GRID1: variants seen among roughly 807,000 people sequenced by gnomAD.
GRID1 encodes the protein glutamate receptor ionotropic, delta-1.
A neutral mutation model predicts 98.0 loss-of-function variants in GRID1; 28 were observed. The observed-to-expected ratio is 0.29, with a 90% CI of 0.21 to 0.39. GRID1 has a LOEUF of 0.39. Ranked by LOEUF, GRID1 falls within the 10% of genes least tolerant of loss-of-function variation. GRID1 has a pLI of 1.00. For synonymous variants in GRID1, 553 were observed against 538.5 expected (o/e 1.03, Z -0.37); for missense variants, 1,111 against 1,340.5 (o/e 0.83, Z 2.67).
chr10:86,218,975 A>G (rs1386406119), intron 2 of GRID1, among the ~76,000 whole-genome samples: 1 of 152,180 alleles, frequency 6.6e-6, no homozygotes, highest in Non-Finnish European at 1.5e-5. Context: ...TATCGACAGC[A>G]CAGCCCGAGA....
Position 85,602,301 on chromosome 10 carries a change from A to G in GRID1, c.3002T>C (p.Leu1001Pro). The G allele has an allele frequency of 6.5e-7, 1 of 1,538,154 alleles. No homozygotes were observed. Among genetic ancestry groups the G allele is most frequent in the Non-Finnish European group, 8.8e-7 (1 of 1,141,874 alleles). Residue 1001 changes from leucine to proline, a missense_variant, in exon 16 of 16, where the codon CTG becomes CCG. Leu to Pro is a moderately conservative substitution (Grantham distance 98, BLOSUM62 -3). Coordinates refer to ENST00000327946, the MANE Select transcript of GRID1 (RefSeq NM_017551.3). ...PVPGGVLPEA[L>P]DTSHGTSI ...GATGGAGGTCCCGTGGGAGGTGTCC[A>G]GAGCCTCTGGAAGGACGCCTCCAGG... is the stretch of plus-strand genomic sequence containing the variant.
At chr10:86,014,691 C>T (rs916048225) in intron 4 of GRID1, among the ~76,000 whole-genome samples, 1 of 152,238 alleles carries the variant, frequency 6.6e-6, no homozygotes, top group Non-Finnish European at 1.5e-5. Context: ...ACTACAATTA[C>T]ACTCAGTCAA....
intron 6 of GRID1, among the ~76,000 whole-genome samples, chr10:85,862,284 T>A (rs1590270126): frequency 1.3e-5 from 2 of 152,240 alleles, no homozygotes; most frequent in East Asian, 3.9e-4. Context: ...TGGGTATTTA[T>A]GCAATTACTG....
intron 5 of GRID1, among the ~76,000 whole-genome samples, chr10:85,898,906 C>G (rs1358158195): frequency 1.3e-5 from 2 of 152,192 alleles, no homozygotes; most frequent in Non-Finnish European, 2.9e-5. Context: ...TTATTATTCT[C>G]AAGTATTATG....
rs193300224 is a variant in GRID1, at chr10:85,993,108, T to C, written c.727-76869A>G. On this transcript the variant is annotated intron_variant, in intron 4 of 15. Transcript: ENST00000327946. ...TGTGAAGGGAATAAGACTTTCAACT[T>C]GACAGGCTATCCCCAGAGGACAACC... Among the ~76,000 whole-genome samples the C allele has an allele frequency of 1.8e-4, 27 of 152,296 alleles. No homozygotes were observed. In the East Asian group the frequency reaches 4.1e-3, roughly 23 times the overall value.
chr10:85,778,254 C>A (rs1021598133), intron 8 of GRID1, among the ~76,000 whole-genome samples: 1 of 152,038 alleles, frequency 6.6e-6, no homozygotes, highest in Non-Finnish European at 1.5e-5. Context: ...ACCTGCTAGA[C>A]AAGCAGAAAC....
chr10:85,629,527 T>C (rs892486354), intron 13 of GRID1, among the ~76,000 whole-genome samples: 1 of 152,234 alleles, frequency 6.6e-6, no homozygotes, highest in Admixed American at 6.5e-5. Flanking sequence ...GAGAGTGACC[T>C]CCAGTTCCAT....
intron 4 of GRID1, among the ~76,000 whole-genome samples, chr10:86,006,397 G>T (rs1399361101): frequency 6.6e-6 from 1 of 152,184 alleles, no homozygotes; most frequent in Non-Finnish European, 1.5e-5. Flanking sequence ...GAGGTGAGCG[G>T]ATCATGAGGT....
intron 5 of GRID1, among the ~76,000 whole-genome samples, chr10:85,887,194 C>T (rs1190248135): frequency 6.6e-6 from 1 of 152,180 alleles, no homozygotes; most frequent in Non-Finnish European, 1.5e-5. Context: ...TCCCTATAGA[C>T]CACCTAGGGC....
At chr10:86,113,657 C>A (rs149930105) in intron 4 of GRID1, among the ~76,000 whole-genome samples, 315 of 152,276 alleles carry the variant, frequency 2.1e-3, no homozygotes, top group African/African-American at 6.9e-3. Flanking sequence ...CCTGCCAGAC[C>A]CCCACACCCT....
At chr10:86,044,467 T>G (rs2131901096) in intron 4 of GRID1, among the ~76,000 whole-genome samples, 1 of 152,308 alleles carries the variant, frequency 6.6e-6, no homozygotes, top group South Asian at 2.1e-4. Flanking sequence ...AGATACCCGA[T>G]TTGCTTAGTA....
intron 5 of GRID1, among the ~76,000 whole-genome samples, chr10:85,884,403 T>G (rs1841082916): frequency 6.6e-6 from 1 of 152,158 alleles, no homozygotes. Flanking sequence ...ATAATTTATA[T>G]TTGTTTCATT....
chr10:86,283,258 G>GC (rs1443932980), intron 2 of GRID1, among the ~76,000 whole-genome samples: 1 of 152,196 alleles, frequency 6.6e-6, no homozygotes, highest in Non-Finnish European at 1.5e-5. Context: ...GAAAAGCCCA[G>GC]CCCCCACACT....
chr10:86,296,490 G>A (rs549877322), intron 2 of GRID1, among the ~76,000 whole-genome samples: 1 of 152,240 alleles, frequency 6.6e-6, no homozygotes, highest in African/African-American at 2.4e-5. Context: ...TTTAATCCTA[G>A]CACTTTGGGA....
At chr10:86,078,151 C>T (rs577306585) in intron 4 of GRID1, among the ~76,000 whole-genome samples, 3 of 152,258 alleles carry the variant, frequency 2.0e-5, no homozygotes, top group Admixed American at 6.5e-5. Flanking sequence ...GAAATGCATA[C>T]GGATTGATTT....
chr10:85,858,504 G>C (rs529038140), intron 6 of GRID1, among the ~76,000 whole-genome samples: 121 of 152,226 alleles, frequency 7.9e-4, no homozygotes, highest in African/African-American at 2.8e-3. Flanking sequence ...CTTTGTTGCT[G>C]TCAACTCCCC....
chr10:86,020,444 G>A (rs1363940550), intron 4 of GRID1, among the ~76,000 whole-genome samples: 1 of 152,208 alleles, frequency 6.6e-6, no homozygotes, highest in Non-Finnish European at 1.5e-5. Context: ...GTGTGCATAT[G>A]GGCACAGCCC....
At chr10:86,334,077 A>G (rs555762794) in intron 2 of GRID1, among the ~76,000 whole-genome samples, 111 of 151,434 alleles carry the variant, frequency 7.3e-4, no homozygotes, top group African/African-American at 2.3e-3. Context: ...TACATCACTC[A>G]TGGCAAAGGC....
At chr10:85,688,975 G>C (rs1841300736) in intron 12 of GRID1, among the ~76,000 whole-genome samples, 1 of 152,076 alleles carries the variant, frequency 6.6e-6, no homozygotes, top group Non-Finnish European at 1.5e-5. Flanking sequence ...ATTATTTTCA[G>C]GCAGCTTGTC....
Sources: allele counts gnomAD v4.1 joint callset (sites outside exome capture counted in the v4.1 genomes callset), GRCh38; gene constraint gnomAD v4.1.1; transcripts MANE v1.5; gene names NCBI Gene and HGNC (gene_info 2026-07-23, HGNC 2026-07-21).